The following EMG1 variants were observed in gnomAD, a reference collection of about 807,000 sequenced individuals.
EMG1 encodes the protein EMG1 N1-specific pseudouridine methyltransferase.
Under a neutral mutation model 26.9 loss-of-function variants are expected in EMG1, and 24 were observed. The ratio of observed to expected loss-of-function variants is 0.89; its 90% CI spans 0.65 to 1.26. The LOEUF (loss-of-function observed/expected upper bound fraction) is 1.26, where lower values mean the gene tolerates loss of function less well. EMG1 is among the 50% of genes most tolerant of loss of function. The probability of loss-of-function intolerance (pLI) is 0.00; values close to 1 mark genes in which losing one functional copy is unlikely to be tolerated. For missense variants in EMG1, 299 were observed against 307.6 expected (o/e 0.97, Z 0.21); for synonymous variants, 140 against 112.6 (o/e 1.24, Z -1.54).
exon 8 of EMG1, chr12:6,997,376 ATTATGT>A: frequency 1.1e-5 from 1 of 88,732 alleles, no homozygotes. Context: ...ACAACAGCAA[ATTATGT>A]GTGTGTGTGT....
chr12:6,983,131 C>CT (rs34888058), downstream of EMG1: 1,768 of 491,090 alleles, frequency 3.6e-3, 25 homozygotes, highest in South Asian at 0.024. Context: ...AAGAATGAAT[C>CT]TAAGTGGGGA....
intron 1 of EMG1, among the ~76,000 whole-genome samples, chr12:6,972,786 G>A (rs868907038): frequency 6.6e-6 from 1 of 152,132 alleles, no homozygotes; most frequent in African/African-American, 2.4e-5. Flanking sequence ...CTGCCCTTTA[G>A]TGTCTCAGCT....
At chr12:6,971,982 C>G (rs1040914255) in intron 1 of EMG1, among the ~76,000 whole-genome samples, 1 of 152,176 alleles carries the variant, frequency 6.6e-6, no homozygotes, top group Non-Finnish European at 1.5e-5. Flanking sequence ...TTTCTCTTAC[C>G]CGTTAGAACT....
intron 7 of EMG1, among the ~76,000 whole-genome samples, chr12:6,995,167 C>T (rs1173328852): frequency 5.3e-5 from 8 of 150,362 alleles, no homozygotes; most frequent in African/African-American, 2.0e-4. Context: ...CTCCAGGTCA[C>T]ACAACATTCA....
At chr12:6,981,589 A>C (rs781923959), downstream of EMG1, 4 of 1,613,870 alleles carry the variant, frequency 2.5e-6, no homozygotes, top group Non-Finnish European at 3.4e-6. Context: ...ATGAATGGGT[A>C]CTTACCTGAT....
At chr12:6,991,396 G>C (rs1202362931), downstream of EMG1, among the ~76,000 whole-genome samples, 4 of 152,192 alleles carry the variant, frequency 2.6e-5, no homozygotes, top group Non-Finnish European at 4.4e-5. Context: ...TACCATGCAT[G>C]ACTTTGTAAC....
chr12:6,988,796 T>C (rs1946555701), downstream of EMG1, among the ~76,000 whole-genome samples: 1 of 152,192 alleles, frequency 6.6e-6, no homozygotes, highest in Non-Finnish European at 1.5e-5. Flanking sequence ...CTTACCTTTA[T>C]TAGCACCAGA....
At chr12:6,986,828 C>T (rs1946531407) in intron 6 of EMG1, among the ~76,000 whole-genome samples, 1 of 149,980 alleles carries the variant, frequency 6.7e-6, no homozygotes, top group Non-Finnish European at 1.5e-5. Context: ...AAAGTTACAC[C>T]TGTCGGCCGG....
downstream of EMG1, among the ~76,000 whole-genome samples, chr12:6,990,504 G>T (rs751114209): frequency 6.7e-6 from 1 of 148,642 alleles, no homozygotes; most frequent in African/African-American, 2.5e-5. Context: ...GTGAGACTCC[G>T]CCTCAAAAAG....
At position 6,976,184 on chromosome 12, in the gene EMG1, G is replaced by C; in HGVS notation, c.*375G>C. On this transcript the variant is annotated 3_prime_UTR_variant, in exon 6 of 6. Transcript: ENST00000599672. ...AAGAGAGCAGTCAGGAATGCTAGTG[G>C]TGAAAAACTGAACAAACAGAAGTGA... 1 of 184,254 alleles carries C rather than the reference G, an allele frequency of 5.4e-6. No individual in the cohort carries two copies. The highest frequency in any genetic ancestry group is 1.1e-5 in the Non-Finnish European group (1 of 88,556). The allele number at this position is 184,254 out of a possible 1,614,324, so 11.4% of individuals were successfully genotyped here.
At chr12:6,973,172 A>G (rs1015404317) in intron 1 of EMG1, among the ~76,000 whole-genome samples, 1 of 151,172 alleles carries the variant, frequency 6.6e-6, no homozygotes, top group African/African-American at 2.4e-5. Flanking sequence ...ACCTTTGCTC[A>G]TGCCAGTCTT....
At chr12:6,982,992 GT>G, downstream of EMG1, 1 of 633,100 alleles carries the variant, frequency 1.6e-6, no homozygotes, top group South Asian at 1.6e-5. Flanking sequence ...TTTTTTGTTT[GT>G]TTTTTTAGAG....
downstream of EMG1, among the ~76,000 whole-genome samples, chr12:6,992,117 A>G (rs1337319244): frequency 6.6e-6 from 1 of 152,086 alleles, no homozygotes; most frequent in Non-Finnish European, 1.5e-5. Flanking sequence ...TACAATTAAC[A>G]ATATTTAGCC....
At chr12:6,994,012 C>A (rs1016541329) in intron 7 of EMG1, among the ~76,000 whole-genome samples, 3 of 152,172 alleles carry the variant, frequency 2.0e-5, no homozygotes, top group Non-Finnish European at 4.4e-5. Flanking sequence ...AACATTCATG[C>A]ATTTTGTAGA....
downstream of EMG1, chr12:6,980,581 A>G (rs1555153947): frequency 6.5e-6 from 1 of 152,884 alleles, no homozygotes; most frequent in East Asian, 1.9e-4. Context: ...TCTAGAACTC[A>G]CGGGCTCAAG....
At chr12:6,981,111 G>GAA, downstream of EMG1, 1 of 1,614,034 alleles carries the variant, frequency 6.2e-7, no homozygotes, top group Non-Finnish European at 8.5e-7. Context: ...AGAAGTAGGA[G>GAA]AAACCAGCAA....
In EMG1 at chr12:6,976,971, G is replaced by C; in HGVS notation, c.*1162G>C. ...CTATAGCCCTTCCAGATGTTTCCTA[G>C]CATGCCTCAATAAGTCACAGTAGTC... On this transcript the variant is annotated 3_prime_UTR_variant, in exon 6 of 6. Coordinates refer to ENST00000599672, the MANE Select transcript of EMG1 (RefSeq NM_006331.8). 1.7e-6 allele frequency: 1 copy of C among 600,728 alleles called. No individual in the cohort carries two copies. The highest frequency in any genetic ancestry group is 3.0e-6 in the Non-Finnish European group (1 of 333,278). 37.2% of individuals were successfully genotyped at this position (600,728 alleles called of 1,614,324 possible). A position where few individuals can be genotyped will look rare whatever the true frequency, so the allele number is the denominator to read the frequency against.
At chr12:6,985,566 T>A (rs1217298455) in intron 6 of EMG1, among the ~76,000 whole-genome samples, 2 of 149,568 alleles carry the variant, frequency 1.3e-5, no homozygotes, top group African/African-American at 4.9e-5. Flanking sequence ...ATATAAAAAA[T>A]TAGCTGGGTG....
intron 7 of EMG1, among the ~76,000 whole-genome samples, chr12:6,994,293 C>T (rs782504322): frequency 3.3e-5 from 5 of 152,062 alleles, no homozygotes; most frequent in East Asian, 3.9e-4. Context: ...CGGCAACCTC[C>T]GCTTCCCAGG....
Sources: gnomAD v4.1 joint callset for allele counts (sites outside exome capture counted in the v4.1 genomes callset) on GRCh38, gnomAD v4.1.1 for gene constraint, MANE v1.5 for transcripts, NCBI Gene and HGNC (gene_info 2026-07-23, HGNC 2026-07-21) for gene names.